Variants in CRYBG1 observed in about 807,000 individuals in gnomAD.
The protein encoded by CRYBG1 is beta/gamma crystallin domain-containing protein 1.
Under a neutral mutation model 189.2 loss-of-function variants are expected in CRYBG1, and 139 were observed. The observed-to-expected ratio is 0.73, with a 90% CI of 0.64 to 0.85. The LOEUF (loss-of-function observed/expected upper bound fraction) is 0.85. Among genes scored for constraint, CRYBG1 ranks in the 40% least tolerant of loss-of-function variants. The pLI, the probability that CRYBG1 is intolerant of heterozygous loss-of-function variation, is 0.00. For missense variants in CRYBG1, 2,611 were observed against 2,675.8 expected (o/e 0.98, Z 0.53); for synonymous variants, 1,023 against 1,017.1 (o/e 1.01, Z -0.11).
chr6:106,471,932 G>C (rs117465381), intron 2 of CRYBG1, among the ~76,000 whole-genome samples: 4,753 of 152,136 alleles, frequency 0.031, 141 homozygotes, highest in Non-Finnish European at 0.042. Flanking sequence ...AAGTTTAATA[G>C]TAACTATGGA....
At chr6:106,537,299 A>G (rs896655841) in intron 8 of CRYBG1, among the ~76,000 whole-genome samples, 3 of 152,174 alleles carry the variant, frequency 2.0e-5, no homozygotes, top group African/African-American at 7.2e-5. Context: ...AGTTTTTGAA[A>G]AATTAAACCT....
intron 2 of CRYBG1, among the ~76,000 whole-genome samples, chr6:106,464,730 C>T (rs1772077981): frequency 6.6e-6 from 1 of 152,142 alleles, no homozygotes; most frequent in African/African-American, 2.4e-5. Context: ...TTGCCCTTAG[C>T]TTTCGCTCAT....
At chr6:106,368,581 C>A (rs528062711) in intron 1 of CRYBG1, among the ~76,000 whole-genome samples, 2 of 152,148 alleles carry the variant, frequency 1.3e-5, no homozygotes, top group Non-Finnish European at 2.9e-5. Flanking sequence ...TAAAACATAG[C>A]TGCATTGGGC....
chr6:106,391,335 G>A (rs1227174527), intron 1 of CRYBG1, among the ~76,000 whole-genome samples: 1 of 152,166 alleles, frequency 6.6e-6, no homozygotes, highest in African/African-American at 2.4e-5. Flanking sequence ...GCCCACCTAG[G>A]CCTCCCAAAG....
chr6:106,377,606 A>G (rs1453038517), intron 1 of CRYBG1, among the ~76,000 whole-genome samples: 1 of 6,432 alleles, frequency 1.6e-4, no homozygotes, highest in Non-Finnish European at 2.9e-4. Flanking sequence ...TGTGTAACTC[A>G]TAAGTCCTAA....
At chr6:106,415,812 CTG>C (rs1771011315) in intron 1 of CRYBG1, among the ~76,000 whole-genome samples, 1 of 152,140 alleles carries the variant, frequency 6.6e-6, no homozygotes. Context: ...CAAATGCTGG[CTG>C]TCTCTCTCTT....
rs564022592 is a variant in CRYBG1 at position 106,569,736 on chromosome 6, T to C, written c.*1170T>C. The stretch of plus-strand genomic sequence containing the variant: ...TTTCTTGTCCTCCTATCCACCTGCA[T>C]CCACACATGGCCTGCATGGGGCTGC... On this transcript the variant is annotated 3_prime_UTR_variant, in exon 22 of 22. Transcript: ENST00000633556. The C allele has an allele frequency of 6.6e-6, 1 of 152,380 alleles. No homozygotes were observed. Among genetic ancestry groups the C allele is most frequent in the East Asian group, 1.9e-4 (1 of 5,190 alleles). The allele number at this position is 152,380 out of a possible 1,614,324, so 9.4% of individuals were successfully genotyped here.
At chr6:106,392,292 G>A (rs549674696) in intron 1 of CRYBG1, among the ~76,000 whole-genome samples, 8 of 152,210 alleles carry the variant, frequency 5.3e-5, no homozygotes, top group African/African-American at 1.9e-4. Context: ...AGTGAGAGAG[G>A]AAAGCTACCC....
chr6:106,383,617 G>A (rs1485534247), intron 1 of CRYBG1, among the ~76,000 whole-genome samples: 2 of 152,192 alleles, frequency 1.3e-5, no homozygotes, highest in Non-Finnish European at 2.9e-5. Context: ...GTTCCTGAAA[G>A]ACTGTGAAAC....
intron 1 of CRYBG1, among the ~76,000 whole-genome samples, chr6:106,408,607 G>A (rs1041356185): frequency 7.9e-5 from 12 of 152,192 alleles, no homozygotes; most frequent in South Asian, 2.1e-4. Flanking sequence ...GAACATTGAT[G>A]TGAAAATCCT....
chr6:106,398,048 C>A (rs1471386526), intron 1 of CRYBG1, among the ~76,000 whole-genome samples: 2 of 152,072 alleles, frequency 1.3e-5, no homozygotes, highest in Non-Finnish European at 1.5e-5. Flanking sequence ...ACAATAAGTA[C>A]CTAAATCGCT....
chr6:106,431,441 A>T (rs1771324526), intron 1 of CRYBG1, among the ~76,000 whole-genome samples: 1 of 152,210 alleles, frequency 6.6e-6, no homozygotes, highest in Non-Finnish European at 1.5e-5. Context: ...GAGATAATTC[A>T]GCATCACGCG....
chr6:106,375,094 G>T (rs189912798), intron 1 of CRYBG1, among the ~76,000 whole-genome samples: 2 of 152,116 alleles, frequency 1.3e-5, no homozygotes, highest in African/African-American at 2.4e-5. Flanking sequence ...TGTTTAAAGA[G>T]CACTGTGGCC....
Position 106,512,420 on chromosome 6 carries a change from G to C in CRYBG1, c.1303G>C (p.Ala435Pro). The change falls in exon 3 of 22, where the codon GCC (alanine) becomes CCC (proline). Residue 435 changes from alanine (A) to proline (P), a missense_variant. This residue lies in a region of CRYBG1 where 985 missense variants were observed against 924.4 expected (regional missense o/e 1.07). Coordinates refer to ENST00000633556, the MANE Select transcript of CRYBG1 (RefSeq NM_001371242.2). ...QKSTDSPGAD[A>P]ELPESAARDD... ...ATCCACCGACTCCCCCGGCGCGGAC[G>C]CCGAGCTCCCTGAGAGCGCTGCCAG... 2 of 1,608,768 alleles carry C rather than the reference G, an allele frequency of 1.2e-6. No individual in the cohort carries two copies. Among genetic ancestry groups the C allele is most frequent in the Non-Finnish European group, 1.7e-6 (2 of 1,178,342 alleles).
chr6:106,479,940 T>C (rs1342887157), intron 2 of CRYBG1, among the ~76,000 whole-genome samples: 2 of 152,214 alleles, frequency 1.3e-5, no homozygotes, highest in African/African-American at 4.8e-5. Context: ...TATCTATTTT[T>C]TTTTCAGGTT....
chr6:106,481,955 A>G (rs1189366255), intron 2 of CRYBG1, among the ~76,000 whole-genome samples: 1 of 145,748 alleles, frequency 6.9e-6, no homozygotes, highest in Non-Finnish European at 1.5e-5. Flanking sequence ...CCATTTCTGT[A>G]CTTTCTTACT....
rs1311891472 is a variant in CRYBG1, at chr6:106,492,015, C to G, written c.313-19415C>G. On this transcript the variant is annotated intron_variant, in intron 2 of 21. Coordinates refer to ENST00000633556, the MANE Select transcript of CRYBG1 (RefSeq NM_001371242.2). ...CAGTCTGTTCCCCTCACCCAGAATG[C>G]CTTTTCTTGGCCCTCATCTTATTAA... is the stretch of plus-strand genomic sequence containing the variant. 3.9e-5 allele frequency among the ~76,000 whole-genome samples: 6 copies of G among 152,136 alleles called. No individual in the cohort carries two copies. In the East Asian group the frequency reaches 9.6e-4, roughly 24 times the overall value.
intron 1 of CRYBG1, among the ~76,000 whole-genome samples, chr6:106,419,558 A>AT (rs1771087350): frequency 1.3e-5 from 2 of 152,120 alleles, no homozygotes; most frequent in Non-Finnish European, 2.9e-5. Flanking sequence ...AATTGTTAAA[A>AT]TTTTTTGTAG....
intron 2 of CRYBG1, among the ~76,000 whole-genome samples, chr6:106,472,408 T>C (rs371602901): frequency 2.7e-3 from 408 of 152,350 alleles, no homozygotes; most frequent in African/African-American, 9.4e-3. Context: ...TTTATCTTGA[T>C]AGGTTAAACA....
Sources: gnomAD v4.1 joint callset for allele counts (sites outside exome capture counted in the v4.1 genomes callset) on GRCh38, gnomAD v4.1.1 for gene constraint, gnomAD v4.1.1 regional missense constraint, MANE v1.5 for transcripts, NCBI Gene and HGNC (gene_info 2026-07-23, HGNC 2026-07-21) for gene names.